The following CSDE1 variants were observed in gnomAD, a reference collection of about 807,000 sequenced individuals.
CSDE1 encodes the protein cold shock domain-containing protein E1.
A neutral mutation model predicts 89.3 loss-of-function variants in CSDE1; 17 were observed. The observed-to-expected ratio is 0.19, with a 90% CI of 0.13 to 0.29. The LOEUF (loss-of-function observed/expected upper bound fraction) is 0.29, where lower values mean the gene tolerates loss of function less well. Ranked by LOEUF, CSDE1 falls within the 10% of genes least tolerant of loss-of-function variation. The pLI, the probability that CSDE1 is intolerant of heterozygous loss-of-function variation, is 1.00. For synonymous variants in CSDE1, 322 were observed against 332.8 expected, an observed-to-expected ratio of 0.97 and a Z score of 0.35; for missense variants, 672 against 984.2, an observed-to-expected ratio of 0.68 and a Z score of 4.24.
intron 13 of CSDE1, among the ~76,000 whole-genome samples, chr1:114,726,769 CG>C (rs1557992872): frequency 6.6e-6 from 1 of 152,208 alleles, no homozygotes; most frequent in African/African-American, 2.4e-5. Flanking sequence ...TTTTATCTAA[CG>C]TTTAAACAGC....
intron 2 of CSDE1, among the ~76,000 whole-genome samples, chr1:114,748,599 A>G (rs1661139050): frequency 6.6e-6 from 1 of 152,224 alleles, no homozygotes; most frequent in Non-Finnish European, 1.5e-5. Flanking sequence ...TCCTATGAAC[A>G]ATGAAGGTTT....
chr1:114,748,057 T>C (rs1175366937), intron 2 of CSDE1, among the ~76,000 whole-genome samples: 1 of 152,142 alleles, frequency 6.6e-6, no homozygotes, highest in Non-Finnish European at 1.5e-5. Context: ...AATAACAGTG[T>C]CTGTTTATGA....
Position 114,718,355 on chromosome 1 carries a change from A to C in CSDE1, c.2350-139T>G, listed in dbSNP as rs529555011. On this transcript the variant is annotated intron_variant, in intron 19 of 19. Coordinates refer to ENST00000358528, the MANE Select transcript of CSDE1 (RefSeq NM_001007553.3). ...TGCAGTACTAATTCTTTCCTAGAGG[A>C]GAAAATCCACAGTAAGCACTCCTGA... The C allele has an allele frequency of 1.5e-5, 17 of 1,113,970 alleles. No homozygotes were observed. In the African/African-American group the frequency reaches 2.7e-4, roughly 17 times the overall value. The allele number at this position is 1,113,970 out of a possible 1,614,324, so 69.0% of individuals were successfully genotyped here.
rs1660467973 is a variant in CSDE1 at position 114,737,522 on chromosome 1, T to A, written c.351A>T (p.Pro117=). The A allele has an allele frequency of 6.2e-7, 1 of 1,613,908 alleles. No homozygotes were observed. ...AVPHNLESKS[P]AAPGQSPTGS... is the part of the protein sequence containing the mutation. ...CTGTTGGACTCTGACCCGGGGCAGCTGGAGATTTACTCTCTAAGTTGTGAG... is the reference window on the plus strand; with the variant it reads ...CTGTTGGACTCTGACCCGGGGCAGCAGGAGATTTACTCTCTAAGTTGTGAG... The change falls in exon 5 of 20, where the codon CCA becomes CCT. Residue 117 remains proline, a synonymous_variant. Transcript: ENST00000358528.
chr1:114,735,259 TG>T (rs1277779076), intron 6 of CSDE1, among the ~76,000 whole-genome samples: 1 of 152,240 alleles, frequency 6.6e-6, no homozygotes, highest in Non-Finnish European at 1.5e-5. Context: ...TTAGTCTAAA[TG>T]TTTTAAGAAA....
chr1:114,722,084 G>A (rs1157036671), intron 16 of CSDE1, among the ~76,000 whole-genome samples: 1 of 152,136 alleles, frequency 6.6e-6, no homozygotes, highest in African/African-American at 2.4e-5. Flanking sequence ...GTTTCGCCAT[G>A]TTGGCCAGGC....
At chr1:114,746,147 T>G (rs916195481) in intron 2 of CSDE1, among the ~76,000 whole-genome samples, 1 of 152,226 alleles carries the variant, frequency 6.6e-6, no homozygotes, top group African/African-American at 2.4e-5. Flanking sequence ...ACTTCCACTG[T>G]TTCTTCCAAT....
intron 9 of CSDE1, 141 bp from the exon 10 acceptor site, chr1:114,732,957 C>G (rs965954493): frequency 5.9e-6 from 4 of 678,836 alleles, no homozygotes; most frequent in Admixed American, 2.8e-5. Flanking sequence ...AACATAAGTC[C>G]AATGTGAAAG....
At chr1:114,739,278 G>A (rs1376181890) in intron 3 of CSDE1, among the ~76,000 whole-genome samples, 2 of 152,116 alleles carry the variant, frequency 1.3e-5, no homozygotes, top group African/African-American at 2.4e-5. Flanking sequence ...TGATCTGCCC[G>A]CCTCGGCCTC....
chr1:114,727,234 T>C (rs1359125182), intron 12 of CSDE1, 144 bp from the exon 13 acceptor site: 3 of 594,348 alleles, frequency 5.0e-6, no homozygotes, highest in Non-Finnish European at 8.8e-6. Flanking sequence ...TAAAAGATTA[T>C]TCATATGAAT....
chr1:114,736,133 AATTAAG>A (rs1660388685), intron 6 of CSDE1, among the ~76,000 whole-genome samples: 1 of 152,114 alleles, frequency 6.6e-6, no homozygotes, highest in African/African-American at 2.4e-5. Flanking sequence ...TTATCAAATC[AATTAAG>A]ATTGATGATT....
At position 114,718,623 on chromosome 1, in the gene CSDE1, T is replaced by C; in HGVS notation, c.2339A>G (p.Asp780Gly). 1 of 1,614,126 alleles carries C rather than the reference T, an allele frequency of 6.2e-7. No individual in the cohort carries two copies. Among genetic ancestry groups the C allele is most frequent in the Non-Finnish European group, 8.5e-7 (1 of 1,180,000 alleles). ...TGTATGCCCTCATACCATTGAGTTA[T>C]CTGGTCCCCTTGGCTGACGAAGAAC... ...LMVLRQPRGPDNSMGFGAERK... is the reference protein window; with the variant it reads ...LMVLRQPRGPGNSMGFGAERK... Residue 780 changes from aspartate (D) to glycine (G), a missense_variant, in exon 19 of 20, where the codon GAT (aspartate) becomes GGT (glycine). By Grantham distance (94) the Asp-to-Gly change is moderately conservative. Around this residue, in one of 8 missense-constraint regions of CSDE1, gnomAD observed 206 missense variants for 332.4 expected, o/e 0.62. Transcript: ENST00000358528.
chr1:114,720,455 T>C (rs1214812622), intron 17 of CSDE1, 84 bp downstream of exon 17: 1 of 1,280,466 alleles, frequency 7.8e-7, no homozygotes, highest in Non-Finnish European at 1.1e-6. Flanking sequence ...TGTTGATGAT[T>C]TCCCCTTGGC....
intron 9 of CSDE1, 123 bp from the exon 10 acceptor site, chr1:114,732,939 G>A: frequency 1.3e-6 from 1 of 786,516 alleles, no homozygotes; most frequent in Non-Finnish European, 2.1e-6. Context: ...GCGAAAAAAG[G>A]TGTTGACAAC....
rs991282794 is a variant in CSDE1 at position 114,749,902 on chromosome 1, T to G, written c.-82A>C. 1.3e-5 allele frequency: 2 copies of G among 152,534 alleles called. No homozygotes were observed. Among genetic ancestry groups the G allele is most frequent in the Non-Finnish European group, 2.9e-5 (2 of 68,006 alleles). 9.4% of individuals were successfully genotyped at this position (152,534 alleles called of 1,614,324 possible). A position where few individuals can be genotyped will look rare whatever the true frequency, so the allele number is the denominator to read the frequency against. On this transcript the variant is annotated 5_prime_UTR_variant, in exon 2 of 20. Coordinates refer to ENST00000358528, the MANE Select transcript of CSDE1 (RefSeq NM_001007553.3). ...CAGCACACGTTTCAAAGGATGAAAG[T>G]TGCTAGTATTAAAAAAAAGAGCGAG...
In CSDE1 at chr1:114,725,338, G is replaced by C. The variant is rs972165525; in HGVS notation, c.1641-5C>G. The C allele has an allele frequency of 2.5e-6, 4 of 1,607,460 alleles. No homozygotes were observed. The highest frequency in any genetic ancestry group is 1.7e-4 in the Middle Eastern group (1 of 6,052). ...TCAACATCACCAGAGAACTCACTAAGGAGAAAGGAAATGACATTTAACTAA... is the reference window on the plus strand; with the variant it reads ...TCAACATCACCAGAGAACTCACTAACGAGAAAGGAAATGACATTTAACTAA... On this transcript the variant is annotated splice_polypyrimidine_tract_variant and splice_region_variant and intron_variant, in intron 14 of 19. Coordinates refer to ENST00000358528, the MANE Select transcript of CSDE1 (RefSeq NM_001007553.3).
intron 15 of CSDE1, 52 bp from the exon 16 acceptor site, chr1:114,724,054 T>A: frequency 6.4e-7 from 1 of 1,569,424 alleles, no homozygotes; most frequent in East Asian, 2.3e-5. Context: ...CTCTACTACA[T>A]AGAAAGACAA....
intron 3 of CSDE1, 111 bp from the exon 4 acceptor site, chr1:114,738,183 A>T: frequency 1.2e-6 from 1 of 805,468 alleles, no homozygotes; most frequent in East Asian, 2.6e-5. Context: ...AGTGGTTTTC[A>T]AAGTGTGGTC....
In CSDE1 at chr1:114,723,609, CAG is replaced by C. The variant is rs1659641992; in HGVS notation, c.1873+272_1873+273del. ...ACTCAACAGTAAAAGCTTTGGTTAT[CAG>C]AGTTTGTTGTTAAGTCTATCTCAAT... On this transcript the variant is annotated intron_variant, in intron 16 of 19. Coordinates refer to ENST00000358528, the MANE Select transcript of CSDE1 (RefSeq NM_001007553.3). Among the ~76,000 whole-genome samples the C allele has an allele frequency of 6.0e-5, 9 of 149,420 alleles. 1 individual carries two copies. The highest frequency in any genetic ancestry group is 4.2e-4 in the South Asian group (2 of 4,768).
Sources: gnomAD v4.1 joint callset for allele counts (sites outside exome capture counted in the v4.1 genomes callset) on GRCh38, gnomAD v4.1.1 for gene constraint, gnomAD v4.1.1 regional missense constraint, MANE v1.5 for transcripts, NCBI Gene and HGNC (gene_info 2026-07-23, HGNC 2026-07-21) for gene names.